NEBL: variants seen among roughly 807,000 people sequenced by gnomAD.
NEBL encodes LIM and SH3 protein 2.
NEBL carries 122 observed loss-of-function variants against 140.2 expected under a neutral mutation model. That is an observed-to-expected ratio of 0.87 (90% CI 0.75 to 1.01). NEBL has a LOEUF of 1.01. Ranked by LOEUF, NEBL falls within the 50% of genes least tolerant of loss-of-function variation. NEBL has a pLI of 0.00. For synonymous variants in NEBL, 436 were observed against 398.9 expected (o/e 1.09, Z -1.11); for missense variants, 1,365 against 1,231.3 (o/e 1.11, Z -1.62).
intron 2 of NEBL, among the ~76,000 whole-genome samples, chr10:21,106,778 G>C (rs1356497676): frequency 6.6e-6 from 1 of 152,144 alleles, no homozygotes; most frequent in East Asian, 1.9e-4. Flanking sequence ...ACCTTGGGCA[G>C]TATGGCCATT....
chr10:20,969,226 G>C (rs1000797186), intron 3 of NEBL, among the ~76,000 whole-genome samples: 1 of 151,994 alleles, frequency 6.6e-6, no homozygotes, highest in Non-Finnish European at 1.5e-5. Flanking sequence ...GAGCTCAAAA[G>C]TAAATTTGCT....
chr10:20,808,609 T>C lies in NEBL; in HGVS notation c.2662A>G (p.Thr888Ala). 6.2e-7 allele frequency: 1 copy of C among 1,613,550 alleles called. No homozygotes were observed. Among genetic ancestry groups the C allele is most frequent in the Non-Finnish European group, 8.5e-7 (1 of 1,179,514 alleles). Reference protein sequence around the residue: ...RHWSRSHSSSTFGTGLGDDRS... With the variant: ...RHWSRSHSSSAFGTGLGDDRS... Reference sequence around the variant, plus strand: ...TCGTCTCCGAGACCTGTACCGAAAGTACTGCTGGAATGGGATCGAGACCAG... The same window carrying C: ...TCGTCTCCGAGACCTGTACCGAAAGCACTGCTGGAATGGGATCGAGACCAG... The change falls in exon 26 of 28, where the codon ACT (threonine) becomes GCT (alanine). Residue 888 changes from threonine (T) to alanine (A), a missense_variant. Around this residue, in one of 2 missense-constraint regions of NEBL, gnomAD observed 1,323 missense variants for 1,154.8 expected, o/e 1.15. Coordinates refer to ENST00000377122, the MANE Select transcript of NEBL (RefSeq NM_006393.3).
At chr10:21,018,563 T>A (rs142431040) in intron 3 of NEBL, among the ~76,000 whole-genome samples, 157 of 152,310 alleles carry the variant, frequency 1.0e-3, no homozygotes, top group African/African-American at 3.3e-3. Context: ...CATGGCATTA[T>A]TAACCAACAG....
intron 1 of NEBL, among the ~76,000 whole-genome samples, chr10:21,273,266 A>G (rs186332512): frequency 6.6e-6 from 1 of 152,232 alleles, no homozygotes; most frequent in East Asian, 1.9e-4. Context: ...CAACCTGTAA[A>G]ATTTCAACAG....
At position 21,236,345 on chromosome 10, in the gene NEBL, ATTT is replaced by A. The variant is rs147170707; in HGVS notation, n.348+11573_348+11575del. Among the ~76,000 whole-genome samples the A allele has an allele frequency of 5.4e-3, 672 of 125,344 alleles. 4 individuals carry two copies. Among genetic ancestry groups the A allele is most frequent in the African/African-American group, 0.018 (558 of 31,762 alleles). The allele number at this position is 125,344 out of a possible 152,430, so 82.2% of individuals were successfully genotyped here. ...CTACTTTATTTTATTCCTTTTTTTA[ATTT>A]TTTTTTTTTTTTTTTTTGAGACAGA... On this transcript the variant is annotated intron_variant and non_coding_transcript_variant, in intron 3 of 8. Coordinates refer to the NEBL transcript ENST00000675702.
At chr10:20,843,048 G>GA (rs750177425) in intron 12 of NEBL, among the ~76,000 whole-genome samples, 6 of 152,076 alleles carry the variant, frequency 3.9e-5, no homozygotes, top group Non-Finnish European at 5.9e-5. Context: ...CCCGTATGTT[G>GA]AAGCCCTAGC....
intron 3 of NEBL, chr10:20,961,857 C>T: frequency 4.6e-6 from 5 of 1,081,810 alleles, no homozygotes; most frequent in Non-Finnish European, 7.1e-6. Context: ...AACGAAGCTG[C>T]TGGAATTGGA....
intron 2 of NEBL, among the ~76,000 whole-genome samples, chr10:21,138,062 T>A (rs980402500): frequency 3.3e-5 from 5 of 151,942 alleles, no homozygotes; most frequent in Admixed American, 2.0e-4. Flanking sequence ...AGTGGTCAAC[T>A]CCTCCTTGCC....
chr10:21,070,987 G>T (rs1835790787), intron 2 of NEBL, among the ~76,000 whole-genome samples: 1 of 151,682 alleles, frequency 6.6e-6, no homozygotes, highest in Non-Finnish European at 1.5e-5. Flanking sequence ...AACCAGCCCA[G>T]GCAACATAGC....
At position 20,946,692 on chromosome 10, in the gene NEBL, G is replaced by A. The variant is rs113012374; in HGVS notation, c.357+14980C>T. On this transcript the variant is annotated intron_variant, in intron 4 of 6. Transcript: ENST00000417816. ...GTTGGCCAGGCTGGTCTCAAACACC[G>A]CGCCAGTCCCGTTTTATTATTCTTT... Among the ~76,000 whole-genome samples the A allele has an allele frequency of 4.8e-3, 730 of 152,152 alleles. 7 individuals carry two copies. Among genetic ancestry groups the A allele is most frequent in the African/African-American group, 0.017 (703 of 41,506 alleles).
Position 20,835,687 on chromosome 10 carries a change from T to C in NEBL, c.1339-64A>G, listed in dbSNP as rs1840818048. 5 of 1,118,834 alleles carry C rather than the reference T, an allele frequency of 4.5e-6. No individual in the cohort carries two copies. In the East Asian group the frequency reaches 9.4e-5, roughly 21 times the overall value. The allele number at this position is 1,118,834 out of a possible 1,614,324, so 69.3% of individuals were successfully genotyped here. Reference sequence around the variant, plus strand: ...TGGGCAAACATGCATCTGCAGTCAATGATACTAAAAAAAAAATAGTTAGAC... The same window carrying C: ...TGGGCAAACATGCATCTGCAGTCAACGATACTAAAAAAAAAATAGTTAGAC... On this transcript the variant is annotated intron_variant, in intron 13 of 27. Coordinates refer to ENST00000377122, the MANE Select transcript of NEBL (RefSeq NM_006393.3).
At chr10:20,896,832 T>C (rs890427938) in intron 2 of NEBL, 126 bp downstream of exon 2, 2 of 876,460 alleles carry the variant, frequency 2.3e-6, no homozygotes, top group Non-Finnish European at 3.9e-6. Context: ...CTTTGTTCCA[T>C]GATCTGGAAA....
intron 9 of NEBL, among the ~76,000 whole-genome samples, chr10:20,853,782 A>C (rs1441366088): frequency 1.3e-5 from 2 of 152,130 alleles, no homozygotes; most frequent in African/African-American, 4.8e-5. Flanking sequence ...GGAGTGCAAA[A>C]ATACCGTTAG....
chr10:21,203,862 A>C (rs1841782412), intron 3 of NEBL, among the ~76,000 whole-genome samples: 1 of 152,176 alleles, frequency 6.6e-6, no homozygotes, highest in African/African-American at 2.4e-5. Context: ...GCCCGTGTGC[A>C]GGCAGGTACT....
chr10:21,273,406 C>T (rs989989329), intron 1 of NEBL, among the ~76,000 whole-genome samples: 3 of 152,076 alleles, frequency 2.0e-5, no homozygotes, highest in African/African-American at 2.4e-5. Flanking sequence ...CTGGAGGGAG[C>T]GGGACAGAGG....
intron 2 of NEBL, among the ~76,000 whole-genome samples, chr10:21,085,532 G>A (rs1836584460): frequency 6.6e-6 from 1 of 152,182 alleles, no homozygotes; most frequent in Non-Finnish European, 1.5e-5. Context: ...CTACTTGGGA[G>A]ACTGAGGCTG....
intron 3 of NEBL, among the ~76,000 whole-genome samples, chr10:20,991,216 A>C (rs1205865879): frequency 6.6e-6 from 1 of 152,182 alleles, no homozygotes; most frequent in Non-Finnish European, 1.5e-5. Flanking sequence ...CTTAATGAAG[A>C]ATGTATATAG....
chr10:21,117,328 T>C (rs1838331690), intron 2 of NEBL, among the ~76,000 whole-genome samples: 1 of 152,092 alleles, frequency 6.6e-6, no homozygotes, highest in Admixed American at 6.6e-5. Flanking sequence ...CTCAGGAGTT[T>C]CCTCACTGAA....
At chr10:21,282,452 T>A (rs1251426061) in intron 1 of NEBL, among the ~76,000 whole-genome samples, 1 of 151,498 alleles carries the variant, frequency 6.6e-6, no homozygotes. Context: ...AGGAAAGAGC[T>A]CCCAGGAAGG....
Sources: allele counts gnomAD v4.1 joint callset (sites outside exome capture counted in the v4.1 genomes callset), GRCh38; gene constraint gnomAD v4.1.1; regional missense constraint gnomAD v4.1.1; transcripts MANE v1.5; gene names NCBI Gene and HGNC (gene_info 2026-07-23, HGNC 2026-07-21).